Variants in H4C15 observed in about 807,000 individuals in gnomAD.
H4C15 encodes the protein H4 clustered histone 15.
the H4C15 span, chr1:149,848,086 TTA>T: frequency 2.6e-5 from 4 of 152,200 alleles, no homozygotes; most frequent in African/African-American, 9.7e-5. Flanking sequence ...ATTTTTTGAT[TTA>T]GTTTATTTAA....
chr1:149,849,991 A>G (rs2092167082), downstream of H4C15, among the ~76,000 whole-genome samples: 1 of 152,228 alleles, frequency 6.6e-6, no homozygotes, highest in African/African-American at 2.4e-5. Context: ...ATTTGATCTT[A>G]CATAAACTTA....
chr1:149,848,373 A>T, the H4C15 span: 1 of 152,232 alleles, frequency 6.6e-6, no homozygotes, highest in Non-Finnish European at 1.5e-5. Flanking sequence ...GGAAGTCCAA[A>T]GGTGCAGCAG....
At chr1:149,850,444 C>T (rs1553757658), downstream of H4C15, 1 of 1,158,764 alleles carries the variant, frequency 8.6e-7, no homozygotes, top group South Asian at 1.3e-5. Context: ...TCGGACACGG[C>T]GTGCTTGGCC....
chr1:149,850,910 G>T, downstream of H4C15: 6 of 70,538 alleles, frequency 8.5e-5, no homozygotes, highest in African/African-American at 2.3e-3. Flanking sequence ...TCCGCGGCGC[G>T]CAATGCGAGG....
chr1:149,850,576 G>C, downstream of H4C15: 1 of 648,078 alleles, frequency 1.5e-6, no homozygotes, highest in South Asian at 1.9e-5. Context: ...TGTCGTTGAG[G>C]AAGGAGTTCA....
At chr1:149,846,654 A>G in the H4C15 span, 3 of 152,190 alleles carry the variant, frequency 2.0e-5, no homozygotes, top group African/African-American at 7.2e-5. Context: ...TTGTCTTCTC[A>G]TGTACACAGA....
At chr1:149,849,755 G>T (rs769469898), downstream of H4C15, among the ~76,000 whole-genome samples, 1 of 152,174 alleles carries the variant, frequency 6.6e-6, no homozygotes, top group African/African-American at 2.4e-5. Flanking sequence ...TTAACTCCTG[G>T]TTATCAAAAT....
chr1:149,850,432 C>T (rs1388056890), downstream of H4C15: 3 of 1,185,456 alleles, frequency 2.5e-6, no homozygotes, highest in Non-Finnish European at 3.6e-6. Context: ...GCCTTGGTGC[C>T]CTCGGACACG....
At chr1:149,850,092 GCC>G, downstream of H4C15, 1 of 450,760 alleles carries the variant, frequency 2.2e-6, no homozygotes, top group South Asian at 2.1e-5. Flanking sequence ...TTCAAGAGCA[GCC>G]CTCTAAGGCA....
At chr1:149,850,225 G>A, downstream of H4C15, 4 of 888,112 alleles carry the variant, frequency 4.5e-6, no homozygotes, top group African/African-American at 1.6e-5. Context: ...CTCTCCTAAA[G>A]TTAACCAGAC....
chr1:149,848,117 C>T, the H4C15 span: 4 of 151,974 alleles, frequency 2.6e-5, no homozygotes, highest in African/African-American at 7.3e-5. Context: ...AATAAAATTT[C>T]ACATCTGAAA....
At chr1:149,850,359 G>A (rs587717439), downstream of H4C15, 2 of 738,972 alleles carry the variant, frequency 2.7e-6, no homozygotes, top group Non-Finnish European at 4.9e-6. Flanking sequence ...GGGAGGGAGG[G>A]AGGGAGCGAG....
At chr1:149,850,279 T>C, downstream of H4C15, 1 of 1,355,468 alleles carries the variant, frequency 7.4e-7, no homozygotes, top group Non-Finnish European at 1.0e-6. Context: ...ACAAGAAAGA[T>C]TCTTTAACTG....
At chr1:149,855,482 TAGAAG>T (rs2092182963), downstream of H4C15, among the ~76,000 whole-genome samples, 1 of 128,688 alleles carries the variant, frequency 7.8e-6, no homozygotes. Context: ...TTTTCTTCCT[TAGAAG>T]AGGACTTGTC....
At chr1:149,846,783 C>G in the H4C15 span, 3 of 152,286 alleles carry the variant, frequency 2.0e-5, no homozygotes, top group Admixed American at 2.0e-4. Flanking sequence ...ATTATTACAC[C>G]TAACAAATTT....
At chr1:149,846,862 A>G in the H4C15 span, 2 of 152,232 alleles carry the variant, frequency 1.3e-5, no homozygotes, top group East Asian at 1.9e-4. Flanking sequence ...AAAATTCTAT[A>G]TAGATGTTGT....
chr1:149,845,522 CAG>C, the H4C15 span: 2 of 152,178 alleles, frequency 1.3e-5, no homozygotes, highest in Admixed American at 6.5e-5. Flanking sequence ...ATTCTCAGAA[CAG>C]AACATGGTAA....
chr1:149,844,792 T>C, the H4C15 span: 2 of 151,572 alleles, frequency 1.3e-5, no homozygotes, highest in Non-Finnish European at 2.9e-5. Flanking sequence ...ATCTACCTTA[T>C]TTTATTGCCA....
downstream of H4C15, chr1:149,850,540 C>T (rs587761363): frequency 5.3e-6 from 4 of 751,130 alleles, no homozygotes; most frequent in African/African-American, 6.0e-5. Context: ...CCAGGCGGGA[C>T]GCCTCTCCCG....
Sources: allele counts gnomAD v4.1 joint callset (sites outside exome capture counted in the v4.1 genomes callset), GRCh38; gene constraint gnomAD v4.1.1; transcripts MANE v1.5; gene names NCBI Gene and HGNC (gene_info 2026-07-23, HGNC 2026-07-21).